Variants in FOLH1 observed in about 807,000 individuals in gnomAD.
FOLH1 encodes folate hydrolase 1, also known as glutamate carboxypeptidase 2.
In FOLH1, 54 loss-of-function variants were observed where a neutral mutation model predicts 93.9. The ratio of observed to expected loss-of-function variants is 0.57; its 90% CI spans 0.46 to 0.72. The LOEUF is 0.72. Ranked by LOEUF, FOLH1 falls within the 30% of genes least tolerant of loss-of-function variation. The pLI is 0.00. For missense variants in FOLH1, 571 were observed against 892.5 expected, an observed-to-expected ratio of 0.64 and a Z score of 4.59; for synonymous variants, 249 against 303.6, an observed-to-expected ratio of 0.82 and a Z score of 1.87.
chr11:49,196,254 TAA>T (rs1284522619), intron 3 of FOLH1, among the ~76,000 whole-genome samples: 1 of 152,110 alleles, frequency 6.6e-6, no homozygotes, highest in Non-Finnish European at 1.5e-5. Flanking sequence ...TGACAAACAA[TAA>T]AGTCATTTAA....
intron 5 of FOLH1, chr11:49,186,160 G>C (rs1362519862): frequency 6.5e-6 from 2 of 307,890 alleles, no homozygotes; most frequent in Non-Finnish European, 5.4e-6. Context: ...ATTCCTATTT[G>C]TTCTACAGTC....
rs371959145 is a variant in FOLH1, at chr11:49,162,719, T to C, written c.1440+1986A>G. On this transcript the variant is annotated intron_variant, in intron 13 of 18. Coordinates refer to ENST00000256999, the MANE Select transcript of FOLH1 (RefSeq NM_004476.3). ...TTCTTGTACTGATCCTTTCTCATCT[T>C]TGTGGGCTTATCTGCCTTCAATCTT... is the stretch of plus-strand genomic sequence containing the variant. The C allele has an allele frequency of 6.5e-3, 992 of 152,386 alleles. 6 individuals are homozygous for C. Among genetic ancestry groups the C allele is most frequent in the Non-Finnish European group, 0.011 (726 of 68,116 alleles). 9.4% of individuals were successfully genotyped at this position (152,386 alleles called of 1,614,324 possible). A position where few individuals can be genotyped will look rare whatever the true frequency, so the allele number is the denominator to read the frequency against.
chr11:49,165,383 T>C (rs547372203), intron 12 of FOLH1, among the ~76,000 whole-genome samples: 2 of 152,316 alleles, frequency 1.3e-5, no homozygotes, highest in African/African-American at 4.8e-5. Flanking sequence ...ATATTTGTTG[T>C]AACAATGAAT....
At chr11:49,175,190 T>C (rs535805536) in intron 8 of FOLH1, among the ~76,000 whole-genome samples, 6 of 152,198 alleles carry the variant, frequency 3.9e-5, no homozygotes, top group South Asian at 2.1e-4. Context: ...AAAGGCCAAA[T>C]GGCTAAAGTT....
rs557284159 is a variant in FOLH1, at chr11:49,168,267, C to T, written c.1372+928G>A. 1.3e-5 allele frequency among the ~76,000 whole-genome samples: 2 copies of T among 151,548 alleles called. 1 individual carries two copies. Among genetic ancestry groups the T allele is most frequent in the African/African-American group, 4.9e-5 (2 of 40,906 alleles). On this transcript the variant is annotated intron_variant, in intron 12 of 18. Transcript: ENST00000256999. ...AGGGTCTAAGGATAAGGATTAAACA[C>T]ATAAAGAGGTGTTGAAGAGCAATCT... is the stretch of plus-strand genomic sequence containing the variant.
intron 4 of FOLH1, among the ~76,000 whole-genome samples, chr11:49,189,692 C>A (rs560916368): frequency 6.6e-6 from 1 of 152,142 alleles, no homozygotes; most frequent in East Asian, 1.9e-4. Flanking sequence ...ATCATGAAGT[C>A]AAAAAATTTT....
rs564553273 is a variant in FOLH1, at chr11:49,153,691, T to C, written c.1970+155A>G. Among the ~76,000 whole-genome samples, 3 of 152,148 alleles carry C rather than the reference T, an allele frequency of 2.0e-5. No homozygotes were observed. In the East Asian group the frequency reaches 5.8e-4, roughly 29 times the overall value. ...CTATGTAACAAACCTGCACGTTCTG[T>C]CCATGTATCCAGCAACTTAAAGTAA... On this transcript the variant is annotated intron_variant, in intron 17 of 18. Coordinates refer to ENST00000256999, the MANE Select transcript of FOLH1 (RefSeq NM_004476.3).
intron 15 of FOLH1, 128 bp from the exon 16 acceptor site, chr11:49,154,620 T>C: frequency 6.8e-7 from 1 of 1,467,786 alleles, no homozygotes; most frequent in Non-Finnish European, 9.0e-7. Flanking sequence ...AGCATCTCAA[T>C]AAGCTACATC....
chr11:49,186,777 G>C lies in FOLH1; in HGVS notation c.514-8C>G, dbSNP rs377049265. On this transcript the variant is annotated splice_region_variant and splice_polypyrimidine_tract_variant and intron_variant, in intron 4 of 18. Coordinates refer to ENST00000256999, the MANE Select transcript of FOLH1 (RefSeq NM_004476.3). The stretch of plus-strand genomic sequence containing the variant: ...AACATACACTAGATCGCCCTGTTGA[G>C]ATCGGGAATGACTTAATATGAGTCA... 6.3e-7 allele frequency: 1 copy of C among 1,589,766 alleles called. No individual in the cohort carries two copies. The highest frequency in any genetic ancestry group is 8.5e-7 in the Non-Finnish European group (1 of 1,170,962).
At chr11:49,164,896 C>G in intron 12 of FOLH1, 124 bp from the exon 13 acceptor site, 1 of 741,898 alleles carries the variant, frequency 1.3e-6, no homozygotes, top group South Asian at 1.7e-5. Flanking sequence ...CTGTAACTCT[C>G]CAATGGCTTC....
At chr11:49,165,771 A>G (rs542019995) in intron 12 of FOLH1, among the ~76,000 whole-genome samples, 3 of 152,362 alleles carry the variant, frequency 2.0e-5, no homozygotes, top group African/African-American at 7.2e-5. Context: ...AGGCTTTTAA[A>G]ATAGTGACAC....
chr11:49,208,243 G>A (rs573572310), intron 1 of FOLH1, 49 bp downstream of exon 1: 5 of 1,320,868 alleles, frequency 3.8e-6, no homozygotes, highest in Non-Finnish European at 5.2e-6. Context: ...CCAGCACCGC[G>A]GCACCACGGG....
intron 17 of FOLH1, among the ~76,000 whole-genome samples, chr11:49,150,020 A>C (rs915589927): frequency 6.6e-6 from 1 of 152,122 alleles, no homozygotes; most frequent in African/African-American, 2.4e-5. Flanking sequence ...CAGTGGCTTA[A>C]TCATAGCTCA....
Position 49,173,401 on chromosome 11 carries a change from A to G in FOLH1, c.1181T>C (p.Val394Ala). Reference protein sequence around the residue: ...GGIDPQSGAAVVHEIVRSFGT... With the variant: ...GGIDPQSGAAAVHEIVRSFGT... The stretch of plus-strand genomic sequence containing the variant: ...AAAGCTCCTCACAATTTCATGAACA[A>G]CAGCTGCTCCACTCTGAGGGTCAAT... Residue 394 changes from valine (V) to alanine (A), a missense_variant, in exon 10 of 19, where the codon GTT becomes GCT. Coordinates refer to ENST00000256999, the MANE Select transcript of FOLH1 (RefSeq NM_004476.3). 6.2e-7 allele frequency: 1 copy of G among 1,612,188 alleles called. No individual in the cohort carries two copies.
At chr11:49,170,837 T>C (rs1428657742) in intron 11 of FOLH1, among the ~76,000 whole-genome samples, 1 of 152,220 alleles carries the variant, frequency 6.6e-6, no homozygotes, top group Non-Finnish European at 1.5e-5. Context: ...GTCGTTCATG[T>C]TTGCTAAGAC....
At chr11:49,163,201 G>T (rs1011668569) in intron 13 of FOLH1, among the ~76,000 whole-genome samples, 2 of 152,096 alleles carry the variant, frequency 1.3e-5, no homozygotes, top group Non-Finnish European at 2.9e-5. Flanking sequence ...CAGCAAAGAT[G>T]GTGGTTTGCC....
At chr11:49,177,209 T>A (rs11040280) in intron 7 of FOLH1, among the ~76,000 whole-genome samples, 2,131 of 152,376 alleles carry the variant, frequency 0.014, 24 homozygotes, top group Non-Finnish European at 0.022. Context: ...GTGTAAATAA[T>A]TCCTCTCTCT....
chr11:49,175,439 T>C (rs1200575632), intron 8 of FOLH1, among the ~76,000 whole-genome samples: 1 of 152,204 alleles, frequency 6.6e-6, no homozygotes, highest in African/African-American at 2.4e-5. Flanking sequence ...TCTTCCCTGG[T>C]TAATAAAATT....
intron 18 of FOLH1, among the ~76,000 whole-genome samples, chr11:49,147,927 T>C (rs1855967380): frequency 6.6e-6 from 1 of 151,292 alleles, no homozygotes; most frequent in African/African-American, 2.4e-5. Flanking sequence ...ACCCTGTCTC[T>C]TAGGAAAAAA....
Sources: allele counts gnomAD v4.1 joint callset (sites outside exome capture counted in the v4.1 genomes callset), GRCh38; gene constraint gnomAD v4.1.1; transcripts MANE v1.5; gene names NCBI Gene and HGNC (gene_info 2026-07-23, HGNC 2026-07-21).